The following TMEM260 variants were observed in gnomAD, a reference collection of about 807,000 sequenced individuals.
TMEM260 encodes transmembrane protein 260.
Under a neutral mutation model 88.9 loss-of-function variants are expected in TMEM260, and 82 were observed. The observed-to-expected ratio is 0.92, with a 90% CI of 0.77 to 1.11. The LOEUF (loss-of-function observed/expected upper bound fraction) is 1.11, where lower values mean the gene tolerates loss of function less well. TMEM260 is among the 50% of genes least tolerant of loss of function. The probability of loss-of-function intolerance (pLI) is 0.00; values close to 1 mark genes in which losing one functional copy is unlikely to be tolerated. For missense variants in TMEM260, 902 were observed against 853.4 expected (o/e 1.06, Z -0.71); for synonymous variants, 314 against 309.3 (o/e 1.02, Z -0.16).
intron 11 of TMEM260, among the ~76,000 whole-genome samples, chr14:56,622,577 G>C (rs1196302061): frequency 1.3e-5 from 2 of 151,928 alleles, no homozygotes; most frequent in Non-Finnish European, 2.9e-5. Context: ...GAGAGGACTT[G>C]TGAAAATTTT....
the TMEM260 span, among the ~76,000 whole-genome samples, chr14:56,660,031 A>T: frequency 3.3e-5 from 5 of 152,338 alleles, no homozygotes; most frequent in Non-Finnish European, 7.4e-5. Flanking sequence ...TGGATGGAAT[A>T]TTAAACCTGC....
chr14:56,622,621 A>G (rs186944628), intron 11 of TMEM260, among the ~76,000 whole-genome samples: 102 of 152,204 alleles, frequency 6.7e-4, no homozygotes, highest in African/African-American at 2.4e-3. Context: ...TCATTGAAGA[A>G]CTATTTAAAC....
the TMEM260 span, among the ~76,000 whole-genome samples, chr14:56,657,185 AC>A: frequency 6.4e-4 from 98 of 152,338 alleles, 5 homozygotes; most frequent in East Asian, 0.018. Flanking sequence ...AGTCCAGAGC[AC>A]AGGGGCCCTG....
chr14:56,585,150 A>G, intron 2 of TMEM260, 118 bp downstream of exon 2: 3 of 868,716 alleles, frequency 3.5e-6, no homozygotes, highest in Non-Finnish European at 5.3e-6. Context: ...CGTTTTTAGT[A>G]ACTTATAAGT....
At chr14:56,640,523 A>G (rs925655662) in intron 15 of TMEM260, among the ~76,000 whole-genome samples, 3 of 152,356 alleles carry the variant, frequency 2.0e-5, no homozygotes, top group East Asian at 1.9e-4. Flanking sequence ...GACCGAAGGT[A>G]GATAAAACCA....
intron 7 of TMEM260, among the ~76,000 whole-genome samples, chr14:56,614,954 C>G (rs1887510594): frequency 6.6e-6 from 1 of 152,174 alleles, no homozygotes; most frequent in African/African-American, 2.4e-5. Flanking sequence ...AAATTGCAAT[C>G]CTGTACAAGG....
intron 7 of TMEM260, among the ~76,000 whole-genome samples, chr14:56,614,941 T>C (rs917597482): frequency 1.3e-5 from 2 of 152,226 alleles, no homozygotes; most frequent in African/African-American, 4.8e-5. Flanking sequence ...CATGCATATC[T>C]CTAAATTGCA....
At chr14:56,609,001 G>A (rs1887083213) in intron 5 of TMEM260, 105 bp from the exon 6 acceptor site, 4 of 1,189,256 alleles carry the variant, frequency 3.4e-6, no homozygotes, top group South Asian at 1.4e-5. Context: ...TGGGAGATCA[G>A]CTCTGAGTAA....
rs2139662931 is a variant in TMEM260 at position 56,647,313 on chromosome 14, G to C, written c.1940G>C (p.Cys647Ser). The C allele has an allele frequency of 6.2e-7, 1 of 1,614,194 alleles. No homozygotes were observed. The highest frequency in any genetic ancestry group is 1.3e-5 in the African/African-American group (1 of 75,058). ...VNWHKNYAIACERMLRLQARD... is the reference protein window; with the variant it reads ...VNWHKNYAIASERMLRLQARD... ...TGGCACAAGAACTATGCCATCGCCT[G>C]TGAGCGGATGCTGCGTCTTCAGGCA... Residue 647 changes from cysteine (C) to serine (S), a missense_variant, in exon 16 of 16, where the codon TGT becomes TCT. Physicochemically the swap from Cys to Ser is moderately radical, Grantham distance 112 (BLOSUM62 -1). Coordinates refer to ENST00000261556, the MANE Select transcript of TMEM260 (RefSeq NM_017799.4).
chr14:56,594,671 T>C (rs1886097538), intron 3 of TMEM260, among the ~76,000 whole-genome samples: 1 of 152,248 alleles, frequency 6.6e-6, no homozygotes, highest in Non-Finnish European at 1.5e-5. Flanking sequence ...TTATGGATTA[T>C]ACAAGATAGC....
At chr14:56,599,419 AACTCAGCTGAGC>A (rs1248463433) in intron 3 of TMEM260, among the ~76,000 whole-genome samples, 1 of 152,166 alleles carries the variant, frequency 6.6e-6, no homozygotes, top group Non-Finnish European at 1.5e-5. Flanking sequence ...GTAGTCTTCA[AACTCAGCTGAGC>A]ATTAATTGCT....
chr14:56,649,487 A>G lies in TMEM260; in HGVS notation c.*1990A>G, dbSNP rs1445751798. On this transcript the variant is annotated 3_prime_UTR_variant, in exon 16 of 16. Coordinates refer to ENST00000261556, the MANE Select transcript of TMEM260 (RefSeq NM_017799.4). ...TTCTCTTTTCTTTAAAAAAAAAAGTACAATAAAATTCAAACATTCCTTAGG... is the reference window on the plus strand; with the variant it reads ...TTCTCTTTTCTTTAAAAAAAAAAGTGCAATAAAATTCAAACATTCCTTAGG... The G allele has an allele frequency of 6.6e-6, 1 of 152,210 alleles. No individual in the cohort carries two copies. Among genetic ancestry groups the G allele is most frequent in the East Asian group, 1.9e-4 (1 of 5,194 alleles). The allele number at this position is 152,210 out of a possible 1,614,324, so 9.4% of individuals were successfully genotyped here.
chr14:56,636,528 T>C lies in TMEM260; in HGVS notation c.1799T>C (p.Ile600Thr), dbSNP rs1470833497. The C allele has an allele frequency of 1.2e-6, 2 of 1,614,070 alleles. No homozygotes were observed. The highest frequency in any genetic ancestry group is 1.7e-5 in the Admixed American group (1 of 60,010). Residue 600 changes from isoleucine (I) to threonine (T), a missense_variant, in exon 15 of 16, where the codon ATC becomes ACC. Coordinates refer to ENST00000261556, the MANE Select transcript of TMEM260 (RefSeq NM_017799.4). Reference sequence around the variant, plus strand: ...CCCAGGATGAAAACACCGTTCTTCATCTTTAACCTGGCAGAAACTGCTCAC... The same window carrying C: ...CCCAGGATGAAAACACCGTTCTTCACCTTTAACCTGGCAGAAACTGCTCAC... ...WQARMKTPFFIFNLAETAHMP... is the reference protein window; with the variant it reads ...WQARMKTPFFTFNLAETAHMP...
the TMEM260 span, among the ~76,000 whole-genome samples, chr14:56,655,613 T>G: frequency 6.6e-6 from 1 of 152,156 alleles, no homozygotes; most frequent in Non-Finnish European, 1.5e-5. Context: ...AATAGTTGAT[T>G]TAAAGAGCCT....
chr14:56,617,449 A>G (rs920853722), intron 9 of TMEM260, 152 bp downstream of exon 9: 10 of 563,038 alleles, frequency 1.8e-5, no homozygotes, highest in South Asian at 1.2e-4. Context: ...TATTGAGTCA[A>G]TACAGCTAAG....
intron 6 of TMEM260, 41 bp from the exon 7 acceptor site, chr14:56,612,204 T>A: frequency 6.3e-7 from 1 of 1,579,066 alleles, no homozygotes; most frequent in Non-Finnish European, 8.7e-7. Flanking sequence ...AAAGCGTCAG[T>A]TTAATGCTTG....
At chr14:56,635,121 G>A (rs895325561) in intron 14 of TMEM260, among the ~76,000 whole-genome samples, 169 bp downstream of exon 14, 8 of 152,130 alleles carry the variant, frequency 5.3e-5, no homozygotes, top group African/African-American at 1.9e-4. Flanking sequence ...GAATATTTCA[G>A]TTCATCCACA....
downstream of TMEM260, among the ~76,000 whole-genome samples, chr14:56,655,343 C>T (rs563051216): frequency 1.5e-4 from 23 of 150,102 alleles, no homozygotes; most frequent in South Asian, 1.5e-3. Context: ...TGAGCTATCA[C>T]GCCACTGCAC....
rs990465657 is a variant in TMEM260 at position 56,648,503 on chromosome 14, T to C, written c.*1006T>C. On this transcript the variant is annotated 3_prime_UTR_variant, in exon 16 of 16. Coordinates refer to ENST00000261556, the MANE Select transcript of TMEM260 (RefSeq NM_017799.4). ...CCCCCCAATTGTATAGCTCCTAGAC[T>C]CCAAGCACTATATAGGCCCCTGTAT... 1 of 152,544 alleles carries C rather than the reference T, an allele frequency of 6.6e-6. No individual in the cohort carries two copies. The highest frequency in any genetic ancestry group is 1.5e-5 in the Non-Finnish European group (1 of 68,018). The allele number at this position is 152,544 out of a possible 1,614,324, so 9.4% of individuals were successfully genotyped here. A position where few individuals can be genotyped will look rare whatever the true frequency, so the allele number is the denominator to read the frequency against.
Sources: gnomAD v4.1 joint callset for allele counts (sites outside exome capture counted in the v4.1 genomes callset) on GRCh38, gnomAD v4.1.1 for gene constraint, MANE v1.5 for transcripts, NCBI Gene and HGNC (gene_info 2026-07-23, HGNC 2026-07-21) for gene names.